The following PKP1 variants were observed in gnomAD, a reference collection of about 807,000 sequenced individuals.
PKP1 encodes plakophilin 1, also known as plakophilin-1.
In PKP1, 27 loss-of-function variants were observed where a neutral mutation model predicts 76.4. That is an observed-to-expected ratio of 0.35 (90% CI 0.26 to 0.49). PKP1 has a LOEUF of 0.49. Among genes scored for constraint, PKP1 ranks in the 20% least tolerant of loss-of-function variants. PKP1 has a pLI of 0.99. For missense variants in PKP1, 964 were observed against 955.2 expected (o/e 1.01, Z -0.12); for synonymous variants, 404 against 384.2 (o/e 1.05, Z -0.60).
At position 201,283,699 on chromosome 1, in the gene PKP1, C is replaced by G. The variant is rs373547864; in HGVS notation, c.-4C>G. The G allele has an allele frequency of 9.3e-6, 15 of 1,613,102 alleles. No homozygotes were observed. Among genetic ancestry groups the G allele is most frequent in the Non-Finnish European group, 1.3e-5 (15 of 1,179,552 alleles). On this transcript the variant is annotated 5_prime_UTR_variant, in exon 1 of 14. Transcript: ENST00000367324. ...CGGCCGCGCGCCACCCGCCTCCCGC[C>G]ACCATGAACCACTCGCCGCTCAAGA...
intron 1 of PKP1, among the ~76,000 whole-genome samples, chr1:201,287,274 C>G (rs1655768690): frequency 6.6e-6 from 1 of 152,170 alleles, no homozygotes; most frequent in South Asian, 2.1e-4. Context: ...GTTCCTGTGT[C>G]TATTCAGCCC....
chr1:201,300,982 C>T (rs1276385257), intron 2 of PKP1, among the ~76,000 whole-genome samples: 2 of 152,182 alleles, frequency 1.3e-5, no homozygotes, highest in Non-Finnish European at 2.9e-5. Context: ...ATAGGCATCC[C>T]CTGCAAGGAG....
intron 4 of PKP1, among the ~76,000 whole-genome samples, chr1:201,317,144 G>A (rs146446386): frequency 3.7e-4 from 57 of 152,316 alleles, no homozygotes; most frequent in Non-Finnish European, 7.2e-4. Context: ...GGGTTCTTCA[G>A]TTCAGCCCAA....
intron 1 of PKP1, among the ~76,000 whole-genome samples, chr1:201,287,319 T>C (rs904880104): frequency 6.6e-6 from 1 of 152,158 alleles, no homozygotes; most frequent in Non-Finnish European, 1.5e-5. Flanking sequence ...TTGTACGAAC[T>C]CCGCAGCCTG....
At chr1:201,317,514 A>G in intron 4 of PKP1, 58 bp from the exon 5 acceptor site, 5 of 1,437,990 alleles carry the variant, frequency 3.5e-6, no homozygotes, top group Non-Finnish European at 4.9e-6. Flanking sequence ...TGAGTAGAGA[A>G]TAACTAGATC....
intron 1 of PKP1, among the ~76,000 whole-genome samples, chr1:201,290,899 G>A (rs955668839): frequency 6.6e-6 from 1 of 152,142 alleles, no homozygotes; most frequent in Non-Finnish European, 1.5e-5. Context: ...TAGAGACATC[G>A]GGGACCAAGT....
At chr1:201,327,270 G>A (rs854507) in intron 12 of PKP1, among the ~76,000 whole-genome samples, 78,204 of 152,126 alleles carry the variant, frequency 0.51, 23,192 homozygotes, top group East Asian at 0.74. Context: ...AGAAAGACAG[G>A]GATGGAGGAC....
intron 12 of PKP1, among the ~76,000 whole-genome samples, chr1:201,326,432 G>A (rs1003289680): frequency 1.3e-5 from 2 of 152,174 alleles, no homozygotes; most frequent in Non-Finnish European, 2.9e-5. Context: ...GAGTCCTCTA[G>A]GGTATAAGGT....
intron 1 of PKP1, among the ~76,000 whole-genome samples, chr1:201,290,852 C>T (rs1020020505): frequency 6.6e-6 from 1 of 152,136 alleles, no homozygotes; most frequent in East Asian, 1.9e-4. Context: ...TGGGAGTAGG[C>T]GTCATTCATC....
At chr1:201,323,778 G>A (rs1386129289) in intron 9 of PKP1, among the ~76,000 whole-genome samples, 4 of 152,106 alleles carry the variant, frequency 2.6e-5, no homozygotes, top group Non-Finnish European at 4.4e-5. Context: ...GTAGACCGAG[G>A]GCAGAGAACT....
chr1:201,301,459 G>A (rs1656228404), intron 2 of PKP1, among the ~76,000 whole-genome samples: 1 of 150,488 alleles, frequency 6.6e-6, no homozygotes, highest in Non-Finnish European at 1.5e-5. Flanking sequence ...GTAGAGCTCT[G>A]AGTTGATGGC....
At chr1:201,312,034 T>G (rs1231619697) in intron 2 of PKP1, among the ~76,000 whole-genome samples, 1 of 152,154 alleles carries the variant, frequency 6.6e-6, no homozygotes, top group Non-Finnish European at 1.5e-5. Flanking sequence ...TGTGCCGGAT[T>G]GAGCCTCTGC....
intron 2 of PKP1, among the ~76,000 whole-genome samples, chr1:201,300,028 C>A (rs1198129382): frequency 6.6e-6 from 1 of 152,216 alleles, no homozygotes; most frequent in African/African-American, 2.4e-5. Flanking sequence ...GATGTGTTTG[C>A]CAACTCAGTG....
intron 12 of PKP1, among the ~76,000 whole-genome samples, chr1:201,326,627 GT>G (rs1476859563): frequency 6.6e-6 from 1 of 152,224 alleles, no homozygotes; most frequent in African/African-American, 2.4e-5. Flanking sequence ...AGGCTTTTAG[GT>G]GGGAGTAAGA....
intron 2 of PKP1, among the ~76,000 whole-genome samples, chr1:201,301,065 A>C (rs1355204306): frequency 6.6e-6 from 1 of 152,006 alleles, no homozygotes; most frequent in Admixed American, 6.5e-5. Context: ...ACCCACAACA[A>C]TGCTCCTCAG....
intron 2 of PKP1, among the ~76,000 whole-genome samples, chr1:201,300,481 A>G (rs1656195494): frequency 1.3e-5 from 2 of 152,196 alleles, no homozygotes; most frequent in Non-Finnish European, 2.9e-5. Flanking sequence ...AGGTGAGTTG[A>G]GGCTCTGCCT....
At chr1:201,316,012 C>A (rs1656709535) in intron 3 of PKP1, among the ~76,000 whole-genome samples, 2 of 151,884 alleles carry the variant, frequency 1.3e-5, no homozygotes, top group African/African-American at 4.8e-5. Context: ...TGTGTAAGAG[C>A]CAGCTGGACT....
chr1:201,316,662 C>G lies in PKP1; in HGVS notation c.811C>G (p.His271Asp). ...YQAIGAYYIQ[H>D]TCFQDESAKQ... Reference sequence around the variant, plus strand: ...GGCCATTGGGGCCTATTACATCCAGCATACCTGCTTCCAGGATGAATCTGC... The same window carrying G: ...GGCCATTGGGGCCTATTACATCCAGGATACCTGCTTCCAGGATGAATCTGC... Residue 271 changes from histidine (H) to aspartate (D), a missense_variant, in exon 4 of 14, where the codon CAT becomes GAT. His to Asp is a moderately conservative substitution (Grantham distance 81, BLOSUM62 -1). Coordinates refer to ENST00000367324, the MANE Select transcript of PKP1 (RefSeq NM_001005337.3). 3 of 1,613,960 alleles carry G rather than the reference C, an allele frequency of 1.9e-6. No individual in the cohort carries two copies. Among genetic ancestry groups the G allele is most frequent in the South Asian group, 1.1e-5 (1 of 91,006 alleles).
Position 201,321,983 on chromosome 1 carries a change from G to A in PKP1, c.1353G>A (p.Val451=), listed in dbSNP as rs376484047. Reference sequence around the variant, plus strand: ...TGCCTCTCCTTGGTCCCCAGTCTGTGGAAAACTGCATGTGTGTTCTGCACA... The same window carrying A: ...TGCCTCTCCTTGGTCCCCAGTCTGTAGAAAACTGCATGTGTGTTCTGCACA... The part of the protein sequence containing the change: ...VAASRCDDKS[V]ENCMCVLHNL... Residue 451 remains valine, a synonymous_variant, in exon 8 of 14, where the codon GTG becomes GTA. Coordinates refer to ENST00000367324, the MANE Select transcript of PKP1 (RefSeq NM_001005337.3). 1 of 1,614,058 alleles carries A rather than the reference G, an allele frequency of 6.2e-7. No homozygotes were observed. The highest frequency in any genetic ancestry group is 8.5e-7 in the Non-Finnish European group (1 of 1,180,010).
Sources: gnomAD v4.1 joint callset for allele counts (sites outside exome capture counted in the v4.1 genomes callset) on GRCh38, gnomAD v4.1.1 for gene constraint, MANE v1.5 for transcripts, NCBI Gene and HGNC (gene_info 2026-07-23, HGNC 2026-07-21) for gene names.